Variants in CGGBP1 observed in about 807,000 individuals in gnomAD.
CGGBP1 encodes CGG triplet repeat binding protein 1.
Under a neutral mutation model 11.4 loss-of-function variants are expected in CGGBP1, and 4 were observed. That is an observed-to-expected ratio of 0.35 (90% CI 0.17 to 0.80). The LOEUF is 0.80. Among genes scored for constraint, CGGBP1 ranks in the 30% least tolerant of loss-of-function variants. The pLI is 0.52. For missense variants in CGGBP1, 135 were observed against 202.1 expected (o/e 0.67, Z 2.01); for synonymous variants, 76 against 74.1 (o/e 1.03, Z -0.13).
In CGGBP1 at chr3:88,141,673, C is replaced by A. The variant is rs921202280; in HGVS notation, c.-337-595G>T. The A allele has an allele frequency of 4.7e-6, 7 of 1,499,642 alleles. No individual in the cohort carries two copies. The African/African-American group carries it at 8.2e-5, about 18-fold the overall frequency. The allele number at this position is 1,499,642 out of a possible 1,614,324, so 92.9% of individuals were successfully genotyped here. The stretch of plus-strand genomic sequence containing the variant: ...CCTGATGAAAACGGTTCAGAAAGAT[C>A]TGTCAATCAAGCAGTAGTGTGAAAA... On this transcript the variant is annotated intron_variant, in intron 1 of 3. Coordinates refer to the CGGBP1 transcript ENST00000462901.
intron 2 of CGGBP1, among the ~76,000 whole-genome samples, chr3:88,081,219 A>G (rs1165362169): frequency 1.3e-5 from 2 of 152,218 alleles, no homozygotes; most frequent in East Asian, 3.8e-4. Flanking sequence ...TATTGTTATG[A>G]AGAGATTCAT....
At chr3:88,125,215 CA>C (rs71272834) in intron 2 of CGGBP1, among the ~76,000 whole-genome samples, 175 of 120,926 alleles carry the variant, frequency 1.4e-3, no homozygotes, top group Admixed American at 4.7e-3. Context: ...GACTCCATCT[CA>C]AAAAAAAAAA....
intron 2 of CGGBP1, among the ~76,000 whole-genome samples, chr3:88,103,251 A>G (rs1265992433): frequency 6.6e-6 from 1 of 152,194 alleles, no homozygotes; most frequent in Non-Finnish European, 1.5e-5. Flanking sequence ...AGTGGAAAAG[A>G]CAGATAATAC....
intron 2 of CGGBP1, among the ~76,000 whole-genome samples, chr3:88,071,759 G>A (rs1043818700): frequency 6.6e-6 from 1 of 152,014 alleles, no homozygotes; most frequent in African/African-American, 2.4e-5. Context: ...AGCTGAGATC[G>A]TACCATTGCA....
intron 2 of CGGBP1, among the ~76,000 whole-genome samples, chr3:88,068,343 T>C (rs184179956): frequency 1.3e-5 from 2 of 152,100 alleles, no homozygotes; most frequent in Non-Finnish European, 2.9e-5. Flanking sequence ...GCTCCACTTG[T>C]GGCAAAACAT....
At chr3:88,075,140 T>G (rs550542979) in intron 2 of CGGBP1, among the ~76,000 whole-genome samples, 1 of 152,362 alleles carries the variant, frequency 6.6e-6, no homozygotes, top group South Asian at 2.1e-4. Flanking sequence ...TAAAAGCTTT[T>G]AATTTCTGTT....
intron 2 of CGGBP1, chr3:88,138,556 TAAAC>T (rs879376077): frequency 2.1e-4 from 89 of 432,956 alleles, no homozygotes; most frequent in Admixed American, 1.0e-3. Flanking sequence ...TTAAAAGAGT[TAAAC>T]AAGGCTACTA....
At chr3:88,096,114 A>T (rs1704043804) in intron 2 of CGGBP1, 1 of 161,636 alleles carries the variant, frequency 6.2e-6, no homozygotes, top group African/African-American at 2.4e-5. Flanking sequence ...TTTGATTAAG[A>T]TCTGTTTCAG....
At chr3:88,099,538 A>G (rs1704276958) in intron 2 of CGGBP1, among the ~76,000 whole-genome samples, 1 of 128,856 alleles carries the variant, frequency 7.8e-6, no homozygotes, top group Admixed American at 8.6e-5. Context: ...AAGCCAAAGA[A>G]CAAAGCTGGA....
At chr3:88,110,648 G>A (rs1311596355) in intron 2 of CGGBP1, among the ~76,000 whole-genome samples, 1 of 151,924 alleles carries the variant, frequency 6.6e-6, no homozygotes, top group Admixed American at 6.6e-5. Context: ...ATACTATTTT[G>A]GACTCATTCA....
At chr3:88,080,038 TC>T (rs1708001934) in intron 2 of CGGBP1, among the ~76,000 whole-genome samples, 1 of 152,060 alleles carries the variant, frequency 6.6e-6, no homozygotes, top group Non-Finnish European at 1.5e-5. Flanking sequence ...TCTTTTTTTT[TC>T]CAAACAATTT....
At chr3:88,090,861 A>G (rs918239899) in intron 2 of CGGBP1, among the ~76,000 whole-genome samples, 1 of 152,226 alleles carries the variant, frequency 6.6e-6, no homozygotes, top group Non-Finnish European at 1.5e-5. Context: ...CTGATAAGCT[A>G]AGAAAAAAAA....
chr3:88,118,848 C>G (rs958704656), intron 2 of CGGBP1, among the ~76,000 whole-genome samples: 35 of 151,932 alleles, frequency 2.3e-4, no homozygotes, highest in Non-Finnish European at 3.7e-4. Flanking sequence ...CCATCTCACA[C>G]CAGTTAGAAT....
chr3:88,109,851 CAT>C (rs1286635864), intron 2 of CGGBP1, among the ~76,000 whole-genome samples: 1 of 151,932 alleles, frequency 6.6e-6, no homozygotes, highest in African/African-American at 2.4e-5. Context: ...ACATATTAAA[CAT>C]GTTCAACAGG....
chr3:88,114,039 A>C (rs1705248674), intron 2 of CGGBP1, among the ~76,000 whole-genome samples: 1 of 152,188 alleles, frequency 6.6e-6, no homozygotes, highest in African/African-American at 2.4e-5. Context: ...TTAAACTTTT[A>C]CTTGGCAAAT....
At position 88,123,195 on chromosome 3, in the gene CGGBP1, G is replaced by C. The variant is rs183240733; in HGVS notation, c.-229+17775C>G. Among the ~76,000 whole-genome samples, 61 of 152,094 alleles carry C rather than the reference G, an allele frequency of 4.0e-4. 1 individual carries two copies. The highest frequency in any genetic ancestry group is 1.4e-3 in the African/African-American group (60 of 41,496). On this transcript the variant is annotated intron_variant, in intron 2 of 3. Transcript: ENST00000462901. Reference sequence around the variant, plus strand: ...AGGAACGAGGAGCCAAAAAATACTTGTAAGCTTATTGTTCTTTCTTCCTTT... The same window carrying C: ...AGGAACGAGGAGCCAAAAAATACTTCTAAGCTTATTGTTCTTTCTTCCTTT...
chr3:88,095,825 A>G, intron 2 of CGGBP1: 1 of 453,226 alleles, frequency 2.2e-6, no homozygotes, highest in Non-Finnish European at 4.2e-6. Flanking sequence ...CAGATTCCCA[A>G]GTATTGTGCT....
intron 2 of CGGBP1, chr3:88,134,967 C>A: frequency 1.1e-6 from 1 of 885,474 alleles, no homozygotes; most frequent in Non-Finnish European, 1.5e-6. Flanking sequence ...CATATACATC[C>A]CAGCCAGGGC....
intron 2 of CGGBP1, among the ~76,000 whole-genome samples, chr3:88,082,180 G>A (rs1708112308): frequency 6.6e-6 from 1 of 150,654 alleles, no homozygotes; most frequent in African/African-American, 2.5e-5. Flanking sequence ...AGGCTGGAGT[G>A]CAGTGGTGCA....
Sources: gnomAD v4.1 joint callset for allele counts (sites outside exome capture counted in the v4.1 genomes callset) on GRCh38, gnomAD v4.1.1 for gene constraint, MANE v1.5 for transcripts, NCBI Gene and HGNC (gene_info 2026-07-23, HGNC 2026-07-21) for gene names.